The following ZFP64 variants were observed in gnomAD, a reference collection of about 807,000 sequenced individuals.
ZFP64 encodes zinc finger protein 64.
Under a neutral mutation model 51.6 loss-of-function variants are expected in ZFP64, and 14 were observed. The ratio of observed to expected loss-of-function variants is 0.27; its 90% CI spans 0.18 to 0.42. The LOEUF (loss-of-function observed/expected upper bound fraction) is 0.42, where lower values mean the gene tolerates loss of function less well. Ranked by LOEUF, ZFP64 falls within the 10% of genes least tolerant of loss-of-function variation. ZFP64 has a pLI of 1.00. For synonymous variants in ZFP64, 375 were observed against 361.4 expected (o/e 1.04, Z -0.43); for missense variants, 754 against 906.8 (o/e 0.83, Z 2.16).
rs1301918839 is a variant in ZFP64, at chr20:52,160,982, G to T, written c.512-608C>A. On this transcript the variant is annotated intron_variant, in intron 4 of 5. Coordinates refer to ENST00000216923, the MANE Select transcript of ZFP64 (RefSeq NM_018197.3). This position sits in a 1 kb window ranked among gnomAD's most constrained non-coding sequence, Gnocchi z 4.2. Reference sequence around the variant, plus strand: ...CAGGTGAGGGCAGGTGAGTGAGTCGGTGAGCGCAGGTGAGTGAGCAGGTGA... The same window carrying T: ...CAGGTGAGGGCAGGTGAGTGAGTCGTTGAGCGCAGGTGAGTGAGCAGGTGA... 1.3e-5 allele frequency among the ~76,000 whole-genome samples: 2 copies of T among 151,754 alleles called. No individual in the cohort carries two copies. Among genetic ancestry groups the T allele is most frequent in the Non-Finnish European group, 1.5e-5 (1 of 67,916 alleles).
At chr20:52,136,547 A>C (rs1212050212) in intron 5 of ZFP64, among the ~76,000 whole-genome samples, 6 of 152,198 alleles carry the variant, frequency 3.9e-5, no homozygotes, top group Non-Finnish European at 2.9e-5. Flanking sequence ...TACATCAATA[A>C]AAAAGAATTT....
chr20:52,149,261 G>T (rs1320958078), downstream of ZFP64, among the ~76,000 whole-genome samples: 1 of 140,348 alleles, frequency 7.1e-6, no homozygotes, highest in South Asian at 2.3e-4. Context: ...TTACACTTTT[G>T]AATCTACTTA....
intron 5 of ZFP64, among the ~76,000 whole-genome samples, chr20:52,130,891 A>C (rs1032321677): frequency 6.6e-6 from 1 of 151,774 alleles, no homozygotes; most frequent in Non-Finnish European, 1.5e-5. Flanking sequence ...CTGGTGAAAC[A>C]CCATCTCTAC....
chr20:52,109,588 C>T (rs555865851), intron 5 of ZFP64, among the ~76,000 whole-genome samples: 200 of 151,942 alleles, frequency 1.3e-3, no homozygotes, highest in Non-Finnish European at 1.3e-3. Context: ...AGACCAGCTT[C>T]GCCAACATGT....
intron 5 of ZFP64, among the ~76,000 whole-genome samples, chr20:52,120,747 G>A (rs1979150271): frequency 7.2e-6 from 1 of 138,722 alleles, no homozygotes; most frequent in Non-Finnish European, 1.5e-5. Flanking sequence ...CGTGATCTCG[G>A]CTCACTGCAA....
intron 5 of ZFP64, among the ~76,000 whole-genome samples, chr20:52,141,799 A>G (rs1323274276): frequency 6.6e-6 from 1 of 152,194 alleles, no homozygotes; most frequent in Non-Finnish European, 1.5e-5. Context: ...ATTGAATCCA[A>G]TTTTGAAAGC....
At chr20:52,170,717 G>T (rs548969252) in intron 2 of ZFP64, among the ~76,000 whole-genome samples, 1 of 152,290 alleles carries the variant, frequency 6.6e-6, no homozygotes, top group African/African-American at 2.4e-5. Flanking sequence ...TGCTGTTGCT[G>T]TTGACTTTAT....
At chr20:52,097,990 C>T (rs2079009098) in intron 6 of ZFP64, among the ~76,000 whole-genome samples, 1 of 151,970 alleles carries the variant, frequency 6.6e-6, no homozygotes, top group African/African-American at 2.4e-5. Flanking sequence ...ATCACATGCA[C>T]CCAGTGAGTT....
intron 5 of ZFP64, among the ~76,000 whole-genome samples, chr20:52,113,249 A>T (rs909376518): frequency 6.6e-6 from 1 of 151,606 alleles, no homozygotes; most frequent in Non-Finnish European, 1.5e-5. Flanking sequence ...CAGGAGAATG[A>T]CGTGAACCCG....
chr20:52,088,862 T>G, intron 7 of ZFP64: 1 of 704,040 alleles, frequency 1.4e-6, no homozygotes, highest in East Asian at 2.7e-5. Flanking sequence ...CATAAAAATC[T>G]GATTGATGGA....
chr20:52,181,279 T>C (rs1171697726), intron 2 of ZFP64, among the ~76,000 whole-genome samples: 2 of 152,118 alleles, frequency 1.3e-5, no homozygotes, highest in African/African-American at 4.8e-5. Flanking sequence ...TTGAAATGAA[T>C]GTAATGTAAT....
At chr20:52,173,329 G>A (rs1982905389) in intron 2 of ZFP64, among the ~76,000 whole-genome samples, 1 of 152,222 alleles carries the variant, frequency 6.6e-6, no homozygotes, top group African/African-American at 2.4e-5. Context: ...GCTCATGCCT[G>A]TAATCCCAGC....
At chr20:52,100,246 C>A (rs1193613758) in intron 5 of ZFP64, among the ~76,000 whole-genome samples, 4 of 150,598 alleles carry the variant, frequency 2.7e-5, no homozygotes, top group Non-Finnish European at 5.9e-5. Flanking sequence ...ACCTCGGCCT[C>A]CCAAAGTTTT....
In ZFP64 at chr20:52,132,278, C is replaced by A. The variant is rs973614485; in HGVS notation, c.763+27845G>T. On this transcript the variant is annotated intron_variant, in intron 5 of 8. Transcript: ENST00000361387. The stretch of plus-strand genomic sequence containing the variant: ...TTTACATAAAAAGGAGAAAAAACTT[C>A]AAATAAACAATCTAATGATGGATCT... 2.6e-5 allele frequency among the ~76,000 whole-genome samples: 4 copies of A among 151,944 alleles called. No homozygotes were observed. The East Asian group carries it at 7.7e-4, about 29-fold the overall frequency.
chr20:52,110,790 G>A, intron 5 of ZFP64: 1 of 1,592,168 alleles, frequency 6.3e-7, no homozygotes, highest in Non-Finnish European at 8.6e-7. Flanking sequence ...AGACTGGGTA[G>A]CTCTCTTTGA....
intron 2 of ZFP64, among the ~76,000 whole-genome samples, chr20:52,174,455 C>A (rs533169016): frequency 7.0e-6 from 1 of 142,112 alleles, no homozygotes; most frequent in African/African-American, 2.6e-5. Context: ...TGCGCTCCAG[C>A]CTGGGCAACA....
intron 5 of ZFP64, among the ~76,000 whole-genome samples, chr20:52,159,117 A>AGATC (rs1981563253): frequency 6.6e-6 from 1 of 152,262 alleles, no homozygotes; most frequent in Non-Finnish European, 1.5e-5. Flanking sequence ...AGCCAAGCCA[A>AGATC]GATCAACAGA....
At chr20:52,104,399 C>A (rs1444638392) in intron 5 of ZFP64, among the ~76,000 whole-genome samples, 1 of 152,190 alleles carries the variant, frequency 6.6e-6, no homozygotes, top group Non-Finnish European at 1.5e-5. Context: ...CCTGTGTCCA[C>A]GTGGCAGCCG....
chr20:52,122,418 A>G (rs955779348), intron 5 of ZFP64, among the ~76,000 whole-genome samples: 8 of 151,202 alleles, frequency 5.3e-5, no homozygotes, highest in Admixed American at 4.6e-4. Context: ...AGGCAGGAGA[A>G]TGGCGTGAAC....
Sources: gnomAD v4.1 joint callset for allele counts (sites outside exome capture counted in the v4.1 genomes callset) on GRCh38, gnomAD v4.1.1 for gene constraint, Gnocchi (gnomAD v3.1) non-coding constraint, MANE v1.5 for transcripts, NCBI Gene and HGNC (gene_info 2026-07-23, HGNC 2026-07-21) for gene names.